TNFAIP8L3: variants seen among roughly 807,000 people sequenced by gnomAD.
The protein encoded by TNFAIP8L3 is tumor necrosis factor alpha-induced protein 8-like protein 3.
In TNFAIP8L3, 7 loss-of-function variants were observed where a neutral mutation model predicts 11.8. The ratio of observed to expected loss-of-function variants is 0.59; its 90% CI spans 0.34 to 1.11. The LOEUF (loss-of-function observed/expected upper bound fraction) is 1.11. TNFAIP8L3 is among the 50% of genes most tolerant of loss of function. TNFAIP8L3 has a pLI of 0.03. For missense variants in TNFAIP8L3, 219 were observed against 258.6 expected (o/e 0.85, Z 1.05); for synonymous variants, 98 against 103.8 (o/e 0.94, Z 0.34).
At chr15:51,078,412 G>A (rs935983659) in intron 1 of TNFAIP8L3, among the ~76,000 whole-genome samples, 1 of 152,044 alleles carries the variant, frequency 6.6e-6, no homozygotes, top group Admixed American at 6.6e-5. Context: ...AGCAGCAGGG[G>A]ACCCTCTGTT....
chr15:51,105,220 C>T, exon 1 of TNFAIP8L3: 7 of 1,598,500 alleles, frequency 4.4e-6, no homozygotes, highest in Non-Finnish European at 6.0e-6. Context: ...CTAACTTGCA[C>T]ACTGACTCTT....
At chr15:51,104,607 C>T (rs2065576583) in intron 1 of TNFAIP8L3, among the ~76,000 whole-genome samples, 1 of 152,162 alleles carries the variant, frequency 6.6e-6, no homozygotes, top group South Asian at 2.1e-4. Flanking sequence ...CCCTCCTTCC[C>T]CCAGCTTAAG....
intron 1 of TNFAIP8L3, among the ~76,000 whole-genome samples, chr15:51,066,494 C>A (rs2065273376): frequency 6.6e-6 from 1 of 152,184 alleles, no homozygotes. Context: ...AGCAACCATC[C>A]TTCTGCTCAG....
chr15:51,087,553 A>G (rs1030360364), intron 1 of TNFAIP8L3, among the ~76,000 whole-genome samples: 2 of 152,144 alleles, frequency 1.3e-5, no homozygotes, highest in African/African-American at 4.8e-5. Flanking sequence ...TTTTCCCAGA[A>G]AGCACATTTT....
chr15:51,072,629 T>C (rs535847581), intron 1 of TNFAIP8L3, among the ~76,000 whole-genome samples: 1 of 152,300 alleles, frequency 6.6e-6, no homozygotes, highest in Non-Finnish European at 1.5e-5. Context: ...TCTGTACATA[T>C]TGCATGAGGT....
chr15:51,058,264 T>C lies in TNFAIP8L3; in HGVS notation c.232A>G (p.Met78Val), dbSNP rs1472996439. The C allele has an allele frequency of 1.2e-6, 2 of 1,614,106 alleles. No individual in the cohort carries two copies. The highest frequency in any genetic ancestry group is 1.7e-5 in the Admixed American group (1 of 60,010). The stretch of plus-strand genomic sequence containing the variant: ...ATCGCCACCTTGATTAAGTCTTTCA[T>C]GATCTTGTGGGCTTCCTTCTTGTTG... ...THNKKEAHKI[M>V]KDLIKVAIKI... is the part of the protein sequence containing the mutation. Residue 78 changes from methionine (M) to valine (V), a missense_variant, in exon 2 of 2, where the codon ATG becomes GTG. Physicochemically the swap from Met to Val is conservative, Grantham distance 21. Transcript: ENST00000637513.
chr15:51,084,070 C>T (rs894665750), intron 1 of TNFAIP8L3, among the ~76,000 whole-genome samples: 1 of 152,208 alleles, frequency 6.6e-6, no homozygotes, highest in African/African-American at 2.4e-5. Flanking sequence ...ATGCACTCAT[C>T]ACAGAGTGGT....
intron 1 of TNFAIP8L3, among the ~76,000 whole-genome samples, chr15:51,102,351 T>C (rs2065559961): frequency 6.6e-6 from 1 of 152,234 alleles, no homozygotes; most frequent in South Asian, 2.1e-4. Context: ...TTTGTTTTTT[T>C]CTTTTAATTC....
intron 1 of TNFAIP8L3, among the ~76,000 whole-genome samples, chr15:51,075,509 G>C (rs2065343647): frequency 6.6e-6 from 1 of 152,028 alleles, no homozygotes. Flanking sequence ...TGTCTCTCTG[G>C]GCAATCCTCT....
exon 1 of TNFAIP8L3, chr15:51,105,132 G>A: frequency 1.2e-6 from 2 of 1,614,146 alleles, no homozygotes; most frequent in Admixed American, 1.7e-5. Flanking sequence ...CTGCCTCACA[G>A]AGTGTGGAAA....
intron 1 of TNFAIP8L3, among the ~76,000 whole-genome samples, chr15:51,073,249 G>T (rs1418302438): frequency 6.6e-6 from 1 of 152,126 alleles, no homozygotes. Context: ...GCCTGCCTTG[G>T]CCTCCCAAAG....
intron 1 of TNFAIP8L3, among the ~76,000 whole-genome samples, chr15:51,065,166 C>T (rs974664870): frequency 6.6e-6 from 1 of 152,138 alleles, no homozygotes; most frequent in Non-Finnish European, 1.5e-5. Flanking sequence ...TTCCTTAAAC[C>T]AAGATTGATA....
chr15:51,069,615 CAATT>C (rs986564987), intron 1 of TNFAIP8L3: 3 of 152,172 alleles, frequency 2.0e-5, no homozygotes, highest in South Asian at 4.2e-4. Flanking sequence ...ATCTGTAACT[CAATT>C]AATGATAATG....
At chr15:51,076,419 G>C (rs535450605) in intron 1 of TNFAIP8L3, among the ~76,000 whole-genome samples, 1 of 152,182 alleles carries the variant, frequency 6.6e-6, no homozygotes, top group Non-Finnish European at 1.5e-5. Flanking sequence ...CTTCCTGGAA[G>C]TTTCTCAGAA....
chr15:51,097,361 T>G (rs964632589), upstream of TNFAIP8L3, among the ~76,000 whole-genome samples: 4 of 152,210 alleles, frequency 2.6e-5, no homozygotes, highest in African/African-American at 9.6e-5. Flanking sequence ...CAGGTCTTCA[T>G]TAAGTATCTA....
chr15:51,076,090 A>T (rs962675295), intron 1 of TNFAIP8L3, among the ~76,000 whole-genome samples: 1 of 152,244 alleles, frequency 6.6e-6, no homozygotes, highest in Non-Finnish European at 1.5e-5. Context: ...GCGGAACAGC[A>T]GGAAAGGGAC....
chr15:51,075,813 G>C (rs2065345404), intron 1 of TNFAIP8L3, among the ~76,000 whole-genome samples: 1 of 152,238 alleles, frequency 6.6e-6, no homozygotes. Flanking sequence ...GCCTGTGACA[G>C]TGGACTGAGG....
At chr15:51,065,652 G>C (rs1236957205) in intron 1 of TNFAIP8L3, among the ~76,000 whole-genome samples, 1 of 152,188 alleles carries the variant, frequency 6.6e-6, no homozygotes, top group Non-Finnish European at 1.5e-5. Flanking sequence ...CTAGGATGTG[G>C]GAGTGGACAG....
In TNFAIP8L3 at chr15:51,058,286, G is replaced by C. The variant is rs892611225; in HGVS notation, c.210C>G (p.Asn70Lys). The change falls in exon 2 of 2, where the codon AAC becomes AAG. Residue 70 changes from asparagine to lysine, a missense_variant. By Grantham distance (94) the Asn-to-Lys change is moderately conservative. Transcript: ENST00000637513. ...TCATGATCTTGTGGGCTTCCTTCTTGTTGTGTGTGTGCTCTTTGGTGACTT... is the reference window on the plus strand; with the variant it reads ...TCATGATCTTGTGGGCTTCCTTCTTCTTGTGTGTGTGCTCTTTGGTGACTT... The part of the protein sequence containing the change: ...LYKVTKEHTH[N>K]KKEAHKIMKD... 3.1e-6 allele frequency: 5 copies of C among 1,614,000 alleles called. No individual in the cohort carries two copies. The Admixed American group carries it at 6.7e-5, about 22-fold the overall frequency.
Sources: allele counts gnomAD v4.1 joint callset (sites outside exome capture counted in the v4.1 genomes callset), GRCh38; gene constraint gnomAD v4.1.1; transcripts MANE v1.5; gene names NCBI Gene and HGNC (gene_info 2026-07-23, HGNC 2026-07-21).